Variants in FRYL observed in about 807,000 individuals in gnomAD.
FRYL encodes protein furry homolog-like.
In FRYL, 150 loss-of-function variants were observed where a neutral mutation model predicts 351.2. The observed-to-expected ratio is 0.43, with a 90% CI of 0.37 to 0.49. FRYL has a LOEUF of 0.49. Among genes scored for constraint, FRYL ranks in the 20% least tolerant of loss-of-function variants. The pLI, the probability that FRYL is intolerant of heterozygous loss-of-function variation, is 0.00. For synonymous variants in FRYL, 1,153 were observed against 1,257.1 expected, an observed-to-expected ratio of 0.92 and a Z score of 1.75; for missense variants, 3,036 against 3,619.3, an observed-to-expected ratio of 0.84 and a Z score of 4.13.
chr4:48,527,062 A>G (rs2148859999), intron 53 of FRYL, among the ~76,000 whole-genome samples: 1 of 152,302 alleles, frequency 6.6e-6, no homozygotes, highest in South Asian at 2.1e-4. Flanking sequence ...GCTGTATATG[A>G]GTAGTATATG....
chr4:48,578,883 A>G, intron 23 of FRYL, 90 bp downstream of exon 23: 2 of 1,145,324 alleles, frequency 1.7e-6, no homozygotes, highest in Non-Finnish European at 2.5e-6. Flanking sequence ...TGGGCCTTCC[A>G]ATCTGTAATA....
chr4:48,715,246 C>T (rs1768644565), intron 1 of FRYL, among the ~76,000 whole-genome samples: 1 of 151,436 alleles, frequency 6.6e-6, no homozygotes, highest in African/African-American at 2.4e-5. Flanking sequence ...CACTCCTATT[C>T]AACATAGTGT....
At chr4:48,613,589 T>C (rs1748689611) in intron 7 of FRYL, among the ~76,000 whole-genome samples, 1 of 152,194 alleles carries the variant, frequency 6.6e-6, no homozygotes, top group Admixed American at 6.5e-5. Flanking sequence ...ACTTTACAGA[T>C]GAGGGAAATG....
At chr4:48,593,899 A>AT in intron 16 of FRYL, 31 bp downstream of exon 16, 7 of 1,057,626 alleles carry the variant, frequency 6.6e-6, no homozygotes, top group Non-Finnish European at 9.1e-6. Context: ...AAAATCTAGG[A>AT]TTTTATATTA....
At chr4:48,499,756 T>G in intron 63 of FRYL, 76 bp from the exon 64 acceptor site, 1 of 1,300,716 alleles carries the variant, frequency 7.7e-7, no homozygotes, top group Non-Finnish European at 1.1e-6. Context: ...GTTAAATACC[T>G]GTAACAACAA....
At chr4:48,722,048 G>A (rs1229041314) in intron 1 of FRYL, among the ~76,000 whole-genome samples, 13 of 152,268 alleles carry the variant, frequency 8.5e-5, no homozygotes, top group Admixed American at 1.3e-4. Flanking sequence ...TGGGTAAAGC[G>A]TAGAAGATAA....
chr4:48,596,172 T>A (rs1744542636), intron 13 of FRYL, among the ~76,000 whole-genome samples, 172 bp from the exon 14 acceptor site: 1 of 152,072 alleles, frequency 6.6e-6, no homozygotes, highest in Non-Finnish European at 1.5e-5. Context: ...AAAGTAACCA[T>A]AAATTTGGAA....
In FRYL at chr4:48,582,556, G is replaced by A; in HGVS notation, c.1927C>T (p.Gln643Ter). Residue 643 changes from glutamine to a stop codon, truncating the protein, a stop_gained, in exon 20 of 64, where the codon CAA becomes TAA. Coordinates refer to ENST00000358350, the MANE Select transcript of FRYL (RefSeq NM_015030.2). LOFTEE classifies it high-confidence loss of function. The part of the protein sequence containing the change: ...LLDNAVKMLV[Q>*]LINQWKQAAQ... ...GCTTGTTTCCACTGATTTATTAATT[G>A]TACCAACATCTTTACGGCATTATCA... The A allele has an allele frequency of 6.2e-7, 1 of 1,613,996 alleles. No individual in the cohort carries two copies. The highest frequency in any genetic ancestry group is 8.5e-7 in the Non-Finnish European group (1 of 1,179,960).
chr4:48,724,892 G>A lies in FRYL; in HGVS notation c.-383-14194C>T, dbSNP rs1036919516. ...TCTTATTTTACATCCATGTTGAGAT[G>A]GAACCTAATGTCTCCAAAAAATAAC... On this transcript the variant is annotated intron_variant, in intron 1 of 63. Transcript: ENST00000358350. 1.6e-4 allele frequency among the ~76,000 whole-genome samples: 25 copies of A among 152,246 alleles called. 1 individual carries two copies. Among genetic ancestry groups the A allele is most frequent in the African/African-American group, 5.3e-4 (22 of 41,540 alleles).
chr4:48,653,866 T>G (rs1026577879), intron 3 of FRYL: 1 of 1,284,986 alleles, frequency 7.8e-7, no homozygotes, highest in African/African-American at 1.5e-5. Flanking sequence ...GGTTTTGCCG[T>G]TCTGTCTCTC....
At chr4:48,757,015 G>C (rs539347621) in intron 1 of FRYL, among the ~76,000 whole-genome samples, 2 of 152,182 alleles carry the variant, frequency 1.3e-5, no homozygotes, top group African/African-American at 2.4e-5. Context: ...GGTGACTGTA[G>C]TGTGGTGACT....
chr4:48,742,701 A>C (rs1260164774), intron 1 of FRYL, among the ~76,000 whole-genome samples: 6 of 152,146 alleles, frequency 3.9e-5, no homozygotes, highest in South Asian at 2.1e-4. Flanking sequence ...ACTAGCCCCC[A>C]AAAAACTCCA....
rs1156498008 is a variant in FRYL at position 48,665,072 on chromosome 4, A to C, written c.-81+19601T>G. On this transcript the variant is annotated intron_variant, in intron 3 of 63. Transcript: ENST00000358350. ...ACTCATAAGTTAGCAACATAAAACC[A>C]GTAAGAAAGTATTTTAACTAAGCTC... is the stretch of plus-strand genomic sequence containing the variant. 2.0e-5 allele frequency among the ~76,000 whole-genome samples: 3 copies of C among 152,260 alleles called. No individual in the cohort carries two copies. The South Asian group carries it at 6.2e-4, about 31-fold the overall frequency.
At chr4:48,647,361 C>A (rs2149416144) in intron 3 of FRYL, among the ~76,000 whole-genome samples, 1 of 152,220 alleles carries the variant, frequency 6.6e-6, no homozygotes, top group Middle Eastern at 3.4e-3. Flanking sequence ...AATAGAGGGT[C>A]AAATTTAACA....
chr4:48,770,221 TC>T (rs1186288871), intron 1 of FRYL, among the ~76,000 whole-genome samples: 1 of 152,150 alleles, frequency 6.6e-6, no homozygotes, highest in Non-Finnish European at 1.5e-5. Flanking sequence ...GACACAGGAC[TC>T]CCTGTACTAT....
intron 50 of FRYL, among the ~76,000 whole-genome samples, chr4:48,529,001 CCTT>C (rs1449180309): frequency 2.6e-5 from 4 of 152,152 alleles, no homozygotes; most frequent in African/African-American, 9.7e-5. Flanking sequence ...AACTGATCAT[CCTT>C]CTCTCCCTAG....
chr4:48,737,258 A>AG (rs898590111), intron 1 of FRYL, among the ~76,000 whole-genome samples: 10 of 115,868 alleles, frequency 8.6e-5, no homozygotes, highest in Non-Finnish European at 1.5e-4. Flanking sequence ...ACTCCATCAC[A>AG]GAAAAAAAAA....
At chr4:48,560,246 T>A (rs184356902) in intron 33 of FRYL, among the ~76,000 whole-genome samples, 32 of 152,328 alleles carry the variant, frequency 2.1e-4, no homozygotes, top group Admixed American at 1.3e-3. Context: ...GATACCTGTA[T>A]CTGTGCAGTA....
At chr4:48,766,748 C>T (rs575754395) in intron 1 of FRYL, among the ~76,000 whole-genome samples, 5 of 152,150 alleles carry the variant, frequency 3.3e-5, no homozygotes, top group Admixed American at 2.6e-4. Context: ...AGGCTTCATT[C>T]TTTTTTCTTT....
Sources: allele counts gnomAD v4.1 joint callset (sites outside exome capture counted in the v4.1 genomes callset), GRCh38; gene constraint gnomAD v4.1.1; transcripts MANE v1.5; gene names NCBI Gene and HGNC (gene_info 2026-07-23, HGNC 2026-07-21).